ADAMTS3: variants seen among roughly 807,000 people sequenced by gnomAD.
ADAMTS3 encodes the protein A disintegrin and metalloproteinase with thrombospondin motifs 3.
Under a neutral mutation model 129.0 loss-of-function variants are expected in ADAMTS3, and 73 were observed. That is an observed-to-expected ratio of 0.57 (90% CI 0.47 to 0.69). The LOEUF is 0.69. ADAMTS3 is among the 30% of genes least tolerant of loss of function. The pLI, the probability that ADAMTS3 is intolerant of heterozygous loss-of-function variation, is 0.00. For missense variants in ADAMTS3, 1,457 were observed against 1,514.5 expected (o/e 0.96, Z 0.63); for synonymous variants, 477 against 510.8 (o/e 0.93, Z 0.89).
chr4:72,363,444 A>T (rs1209972552), intron 4 of ADAMTS3, among the ~76,000 whole-genome samples: 1 of 152,208 alleles, frequency 6.6e-6, no homozygotes, highest in Non-Finnish European at 1.5e-5. Context: ...AGATAAAAAT[A>T]AAAAAGGCCA....
At position 72,309,411 on chromosome 4, in the gene ADAMTS3, G is replaced by A. The variant is rs1199526092; in HGVS notation, c.2165C>T (p.Thr722Ile). Residue 722 changes from threonine (T) to isoleucine (I), a missense_variant, in exon 15 of 22, where the codon ACT (threonine) becomes ATT (isoleucine). Coordinates refer to ENST00000286657, the MANE Select transcript of ADAMTS3 (RefSeq NM_014243.3). ...CRTVKGTFTR[T>I]PRKLGYLKMF... is the part of the protein sequence containing the mutation. ...CCTCATCTTACCAAGCTTCCTGGGA[G>A]TTCTGGTAAATGTCCCCTTCACGGT... 1 of 1,611,630 alleles carries A rather than the reference G, an allele frequency of 6.2e-7. No homozygotes were observed. Among genetic ancestry groups the A allele is most frequent in the African/African-American group, 1.3e-5 (1 of 74,794 alleles).
intron 3 of ADAMTS3, among the ~76,000 whole-genome samples, chr4:72,521,116 G>T (rs1265861657): frequency 6.6e-6 from 1 of 151,604 alleles, no homozygotes; most frequent in African/African-American, 2.4e-5. Context: ...TCCTACTTCA[G>T]CCTCCAGAAT....
At chr4:72,520,278 G>T (rs909556278) in intron 3 of ADAMTS3, among the ~76,000 whole-genome samples, 1 of 151,838 alleles carries the variant, frequency 6.6e-6, no homozygotes, top group African/African-American at 2.4e-5. Flanking sequence ...TAGGCTGCTC[G>T]GGGGTCAGGG....
intron 3 of ADAMTS3, among the ~76,000 whole-genome samples, chr4:72,506,429 C>T (rs761636256): frequency 2.6e-5 from 4 of 152,182 alleles, no homozygotes. Context: ...TGTTGAGGCA[C>T]TTTCCAAAGT....
intron 3 of ADAMTS3, among the ~76,000 whole-genome samples, chr4:72,479,520 T>C (rs987396056): frequency 7.2e-5 from 11 of 152,224 alleles, no homozygotes; most frequent in Non-Finnish European, 1.5e-4. Flanking sequence ...GATCCTTTCC[T>C]TACACCTTAT....
At chr4:72,567,295 G>T in intron 2 of ADAMTS3, 79 bp downstream of exon 2, 1 of 1,392,016 alleles carries the variant, frequency 7.2e-7, no homozygotes, top group East Asian at 2.4e-5. Flanking sequence ...AAACATTTCA[G>T]AAACAATATT....
intron 5 of ADAMTS3, among the ~76,000 whole-genome samples, chr4:72,326,174 A>C (rs1269415376): frequency 6.6e-6 from 1 of 152,168 alleles, no homozygotes; most frequent in African/African-American, 2.4e-5. Context: ...AAGTATACAT[A>C]AATTATTATA....
intron 3 of ADAMTS3, among the ~76,000 whole-genome samples, chr4:72,532,247 A>G (rs537789374): frequency 6.6e-6 from 1 of 152,218 alleles, no homozygotes; most frequent in South Asian, 2.1e-4. Context: ...CTGAGGTGGA[A>G]CCCAGAAGTC....
At chr4:72,501,523 T>C (rs1720021718) in intron 3 of ADAMTS3, among the ~76,000 whole-genome samples, 1 of 152,072 alleles carries the variant, frequency 6.6e-6, no homozygotes, top group Admixed American at 6.6e-5. Context: ...TTTGACAGAG[T>C]CTTTAGGGTT....
chr4:72,382,440 T>C (rs1005355902), intron 4 of ADAMTS3, among the ~76,000 whole-genome samples: 1 of 152,098 alleles, frequency 6.6e-6, no homozygotes, highest in Admixed American at 6.6e-5. Flanking sequence ...GGTGGGAATG[T>C]AAATTTGGTC....
intron 3 of ADAMTS3, among the ~76,000 whole-genome samples, chr4:72,496,590 T>G (rs1197799687): frequency 2.0e-5 from 3 of 152,066 alleles, no homozygotes; most frequent in African/African-American, 7.2e-5. Context: ...CTATGGAGCT[T>G]AGATTTTCCA....
In ADAMTS3 at chr4:72,281,224, C is replaced by CTT. The variant is rs979264667; in HGVS notation, c.*1910_*1911dup. 6.6e-6 allele frequency: 1 copy of CTT among 152,270 alleles called. No individual in the cohort carries two copies. The highest frequency in any genetic ancestry group is 2.4e-5 in the African/African-American group (1 of 41,322). The allele number at this position is 152,270 out of a possible 1,614,324, so 9.4% of individuals were successfully genotyped here. On this transcript the variant is annotated 3_prime_UTR_variant, in exon 22 of 22. Transcript: ENST00000286657. ...GGGAATTTTTAGGAAAAAAAAAAGA[C>CTT]TTAAGGCTTAGGGATTGTTTTACTA... is the stretch of plus-strand genomic sequence containing the variant.
At chr4:72,530,235 A>G (rs1384320162) in intron 3 of ADAMTS3, among the ~76,000 whole-genome samples, 2 of 79,662 alleles carry the variant, frequency 2.5e-5, no homozygotes, top group South Asian at 4.2e-4. Flanking sequence ...TATTATATAT[A>G]TTAAATATAT....
chr4:72,331,227 G>T (rs141283932), intron 5 of ADAMTS3, among the ~76,000 whole-genome samples: 31 of 152,248 alleles, frequency 2.0e-4, no homozygotes, highest in African/African-American at 7.2e-4. Flanking sequence ...TCCTGGGAAG[G>T]TGAGTATGTT....
intron 3 of ADAMTS3, among the ~76,000 whole-genome samples, chr4:72,433,887 G>GA (rs1175009514): frequency 2.0e-5 from 3 of 151,044 alleles, no homozygotes; most frequent in African/African-American, 2.4e-5. Flanking sequence ...GTTGGAATTA[G>GA]AAAAAAAAAC....
chr4:72,518,533 C>CAT (rs1720562613), intron 3 of ADAMTS3, among the ~76,000 whole-genome samples: 1 of 151,960 alleles, frequency 6.6e-6, no homozygotes, highest in African/African-American at 2.4e-5. Context: ...GTATTGGGTG[C>CAT]ATATATATTT....
intron 4 of ADAMTS3, among the ~76,000 whole-genome samples, chr4:72,410,304 T>C (rs1047389997): frequency 1.3e-5 from 2 of 152,096 alleles, no homozygotes; most frequent in Non-Finnish European, 2.9e-5. Flanking sequence ...CATTTCTGAC[T>C]TCTACATGTT....
Position 72,449,864 on chromosome 4 carries a change from T to C in ADAMTS3, c.505-34893A>G, listed in dbSNP as rs140485093. On this transcript the variant is annotated intron_variant, in intron 3 of 21. Transcript: ENST00000286657. ...TTTCTCCACATCTGGCACTTTCTTT[T>C]TTTTCAGTTTCAATCTAAATAGCAT... 5.8e-4 allele frequency among the ~76,000 whole-genome samples: 88 copies of C among 151,854 alleles called. No individual in the cohort carries two copies. The Middle Eastern group carries it at 0.01, about 18-fold the overall frequency.
intron 3 of ADAMTS3, among the ~76,000 whole-genome samples, chr4:72,497,183 A>G (rs1252154954): frequency 2.0e-5 from 3 of 152,054 alleles, no homozygotes; most frequent in Non-Finnish European, 2.9e-5. Context: ...TGTTGGAAGT[A>G]TTTTATCTTA....
Sources: allele counts gnomAD v4.1 joint callset (sites outside exome capture counted in the v4.1 genomes callset), GRCh38; gene constraint gnomAD v4.1.1; transcripts MANE v1.5; gene names NCBI Gene and HGNC (gene_info 2026-07-23, HGNC 2026-07-21).